The following DAP3 variants were observed in gnomAD, a reference collection of about 807,000 sequenced individuals.
DAP3 encodes death associated protein 3.
A neutral mutation model predicts 51.9 loss-of-function variants in DAP3; 28 were observed. The ratio of observed to expected loss-of-function variants is 0.54; its 90% CI spans 0.40 to 0.74. DAP3 has a LOEUF of 0.74. DAP3 is among the 30% of genes least tolerant of loss of function. The pLI is 0.00. For missense variants in DAP3, 458 were observed against 483.5 expected, an observed-to-expected ratio of 0.95 and a Z score of 0.49; for synonymous variants, 170 against 170.3, an observed-to-expected ratio of 1.00 and a Z score of 0.01.
At chr1:155,725,347 C>G (rs1384680916) in intron 4 of DAP3, 35 bp from the exon 5 acceptor site, 1 of 1,595,690 alleles carries the variant, frequency 6.3e-7, no homozygotes. Context: ...TCCTTCCACA[C>G]CCACCCACTC....
At chr1:155,722,866 C>T (rs890843757) in intron 4 of DAP3, among the ~76,000 whole-genome samples, 4 of 152,130 alleles carry the variant, frequency 2.6e-5, no homozygotes, top group Admixed American at 6.6e-5. Context: ...TAAACTGTTC[C>T]AAGACATACA....
intron 6 of DAP3, among the ~76,000 whole-genome samples, chr1:155,727,298 C>T (rs1187562152): frequency 6.6e-6 from 1 of 151,670 alleles, no homozygotes; most frequent in East Asian, 1.9e-4. Flanking sequence ...TATATTGATT[C>T]TAATGATAAT....
chr1:155,708,749 G>A (rs1656320365), intron 1 of DAP3, among the ~76,000 whole-genome samples: 1 of 145,314 alleles, frequency 6.9e-6, no homozygotes, highest in Non-Finnish European at 1.5e-5. Flanking sequence ...CTGTCGCCCA[G>A]GCTGGAGTGC....
intron 1 of DAP3, among the ~76,000 whole-genome samples, chr1:155,690,976 C>T (rs1434753735): frequency 7.0e-6 from 1 of 141,986 alleles, no homozygotes; most frequent in Non-Finnish European, 1.5e-5. Flanking sequence ...GGCGCGATCT[C>T]GGCTCACTGC....
At chr1:155,729,927 A>C (rs1454426409) in intron 9 of DAP3, among the ~76,000 whole-genome samples, 2 of 151,816 alleles carry the variant, frequency 1.3e-5, no homozygotes, top group African/African-American at 4.8e-5. Context: ...CTAAAAATAC[A>C]AAATTAGCCG....
chr1:155,701,420 A>T (rs1655262323), intron 1 of DAP3, among the ~76,000 whole-genome samples: 1 of 111,062 alleles, frequency 9.0e-6, no homozygotes, highest in African/African-American at 4.1e-5. Context: ...GTGTCCACTC[A>T]GGGTTAAATG....
At chr1:155,704,100 TTG>T (rs4021237) in intron 1 of DAP3, among the ~76,000 whole-genome samples, 3 of 152,156 alleles carry the variant, frequency 2.0e-5, no homozygotes, top group African/African-American at 4.8e-5. Context: ...TGAGCCTAGA[TTG>T]TGCCACTGCA....
intron 1 of DAP3, among the ~76,000 whole-genome samples, chr1:155,707,954 G>A (rs1025474086): frequency 1.3e-5 from 2 of 151,900 alleles, no homozygotes; most frequent in South Asian, 4.2e-4. Context: ...TTCTACTAAG[G>A]GACATTAGTT....
At chr1:155,708,539 TG>T (rs377639185) in intron 1 of DAP3, among the ~76,000 whole-genome samples, 153 of 138,688 alleles carry the variant, frequency 1.1e-3, no homozygotes, top group African/African-American at 3.4e-3. Flanking sequence ...TTTCTGTTTT[TG>T]TTTTTTTTTT....
At chr1:155,728,803 C>T (rs1428252582) in intron 7 of DAP3, among the ~76,000 whole-genome samples, 1 of 150,342 alleles carries the variant, frequency 6.7e-6, no homozygotes, top group Non-Finnish European at 1.5e-5. Context: ...GATGTTGCAG[C>T]GAGCTGAGAT....
chr1:155,731,504 GTC>G (rs1659242963), intron 10 of DAP3, 89 bp downstream of exon 10: 1 of 1,339,854 alleles, frequency 7.5e-7, no homozygotes, highest in South Asian at 1.2e-5. Context: ...ATACTTTACA[GTC>G]TCTAATTTTA....
chr1:155,725,598 C>T, intron 5 of DAP3, 108 bp downstream of exon 5: 1 of 1,057,050 alleles, frequency 9.5e-7, no homozygotes, highest in Non-Finnish European at 1.4e-6. Context: ...CATGGTAGCT[C>T]ACACCTATAA....
intron 2 of DAP3, 60 bp from the exon 3 acceptor site, chr1:155,716,946 C>G: frequency 6.7e-7 from 1 of 1,497,672 alleles, no homozygotes; most frequent in South Asian, 1.2e-5. Context: ...GAAACTCCAT[C>G]TCAAAAAAAA....
chr1:155,730,336 G>A (rs944998355), intron 9 of DAP3, among the ~76,000 whole-genome samples: 2 of 147,942 alleles, frequency 1.4e-5, no homozygotes, highest in Non-Finnish European at 2.9e-5. Flanking sequence ...AAGGCCTGGT[G>A]TGATGGCTGA....
chr1:155,720,156 C>G (rs11264405), intron 3 of DAP3, among the ~76,000 whole-genome samples: 1 of 151,016 alleles, frequency 6.6e-6, no homozygotes, highest in East Asian at 2.0e-4. Flanking sequence ...GACCTCATCT[C>G]TACCAAAAAA....
chr1:155,702,224 CT>C (rs766581602), intron 1 of DAP3, among the ~76,000 whole-genome samples: 42 of 150,122 alleles, frequency 2.8e-4, no homozygotes, highest in Non-Finnish European at 5.8e-4. Flanking sequence ...AATCCCAGCA[CT>C]TTGGGAGGCC....
rs541967448 is a variant in DAP3 at position 155,716,910 on chromosome 1, T to C, written c.46-96T>C. 1.6e-5 allele frequency: 25 copies of C among 1,519,346 alleles called. No individual in the cohort carries two copies. In the East Asian group the frequency reaches 5.7e-4, roughly 34 times the overall value. The allele number at this position is 1,519,346 out of a possible 1,614,324, so 94.1% of individuals were successfully genotyped here. ...TGTAGTGAGCCTGAGATCACGCCAT[T>C]GCACTCCAGCTTGGGCAACAAGAGA... On this transcript the variant is annotated intron_variant, in intron 2 of 12. Transcript: ENST00000368336.
At chr1:155,707,847 A>G (rs1030686239) in intron 1 of DAP3, among the ~76,000 whole-genome samples, 1 of 152,164 alleles carries the variant, frequency 6.6e-6, no homozygotes, top group Non-Finnish European at 1.5e-5. Flanking sequence ...GCGTTCACTC[A>G]GTATTCATTT....
In DAP3 at chr1:155,691,248, G is replaced by T. The variant is rs191962939; in HGVS notation, c.-8+2074G>T. Among the ~76,000 whole-genome samples, 67 of 141,708 alleles carry T rather than the reference G, an allele frequency of 4.7e-4. 10 individuals are homozygous for T. The highest frequency in any genetic ancestry group is 3.7e-3 in the Admixed American group (56 of 15,108). 93.0% of individuals were successfully genotyped at this position (141,708 alleles called of 152,430 possible). On this transcript the variant is annotated intron_variant, in intron 1 of 12. Transcript: ENST00000368336. The stretch of plus-strand genomic sequence containing the variant: ...AGAACATTTTTTATCACCCCCAAAA[G>T]AATCTTATCAGTAAGTTGCTTTCCA...
Sources: allele counts gnomAD v4.1 joint callset (sites outside exome capture counted in the v4.1 genomes callset), GRCh38; gene constraint gnomAD v4.1.1; transcripts MANE v1.5; gene names NCBI Gene and HGNC (gene_info 2026-07-23, HGNC 2026-07-21).